The following ZDHHC5 variants were observed in gnomAD, a reference collection of about 807,000 sequenced individuals.
ZDHHC5 encodes the protein palmitoyltransferase ZDHHC5.
In ZDHHC5, 22 loss-of-function variants were observed where a neutral mutation model predicts 70.0. The ratio of observed to expected loss-of-function variants is 0.31; its 90% CI spans 0.22 to 0.45. ZDHHC5 has a LOEUF of 0.45. Ranked by LOEUF, ZDHHC5 falls within the 20% of genes least tolerant of loss-of-function variation. The probability of loss-of-function intolerance (pLI) is 1.00; values close to 1 mark genes in which losing one functional copy is unlikely to be tolerated. For missense variants in ZDHHC5, 746 were observed against 926.9 expected (o/e 0.80, Z 2.53); for synonymous variants, 313 against 347.8 (o/e 0.90, Z 1.11).
At position 57,683,919 on chromosome 11, in the gene ZDHHC5, C is replaced by T. The variant is rs536687121; in HGVS notation, c.226+1376C>T. The stretch of plus-strand genomic sequence containing the variant: ...GTTGGCAGTATTAGAAATTAGAGAG[C>T]TCCAATAGTATGGAAACTCAAATTT... On this transcript the variant is annotated intron_variant, in intron 3 of 11. Transcript: ENST00000287169. Among the ~76,000 whole-genome samples the T allele has an allele frequency of 6.5e-4, 98 of 151,780 alleles. 2 individuals carry two copies. The South Asian group carries it at 0.013, about 20-fold the overall frequency.
chr11:57,673,096 C>T lies in ZDHHC5; in HGVS notation c.6C>T (p.Pro2=), dbSNP rs376453110. 2.0e-5 allele frequency: 33 copies of T among 1,613,888 alleles called. No individual in the cohort carries two copies. Among genetic ancestry groups the T allele is most frequent in the African/African-American group, 6.7e-5 (5 of 75,032 alleles). ...TTTCCCATCAGAGCTCCAACATGCC[C>T]GCAGAGTCTGGAAAGAGATTCAAAC... M[P]AESGKRFKPS... The change falls in exon 2 of 12, where the codon CCC becomes CCT. Residue 2 remains proline, a synonymous_variant. Coordinates refer to ENST00000287169, the MANE Select transcript of ZDHHC5 (RefSeq NM_015457.3).
chr11:57,699,728 A>G, intron 11 of ZDHHC5, 138 bp from the exon 12 acceptor site: 4 of 1,190,320 alleles, frequency 3.4e-6, no homozygotes, highest in Admixed American at 4.0e-5. Context: ...AAGCAGGGCA[A>G]TAAAGGGGAA....
intron 2 of ZDHHC5, among the ~76,000 whole-genome samples, chr11:57,680,651 C>T (rs1349618870): frequency 6.6e-6 from 1 of 152,196 alleles, no homozygotes; most frequent in Non-Finnish European, 1.5e-5. Flanking sequence ...TCTTCTTCCC[C>T]AGGCGGAAAT....
chr11:57,696,568 G>C (rs1401663321), intron 9 of ZDHHC5, among the ~76,000 whole-genome samples, 193 bp from the exon 10 acceptor site: 1 of 152,042 alleles, frequency 6.6e-6, no homozygotes, highest in African/African-American at 2.4e-5. Flanking sequence ...ATTTAAAAAA[G>C]TTAGCTGGGC....
chr11:57,692,310 C>G (rs1946295381), intron 6 of ZDHHC5, among the ~76,000 whole-genome samples: 1 of 152,148 alleles, frequency 6.6e-6, no homozygotes, highest in African/African-American at 2.4e-5. Context: ...TGTGAGCTGC[C>G]ATGCCCAGCC....
Position 57,677,283 on chromosome 11 carries a change from A to ATT in ZDHHC5, c.104+4109_104+4110dup, listed in dbSNP as rs1170220902. ...CAGGATAAGATCTCTGCTTCACGTG[A>ATT]TTTTTTTTTTTTTTTTTTTTTGAGA... On this transcript the variant is annotated intron_variant, in intron 2 of 11. Coordinates refer to ENST00000287169, the MANE Select transcript of ZDHHC5 (RefSeq NM_015457.3). Among the ~76,000 whole-genome samples the ATT allele has an allele frequency of 3.7e-3, 301 of 81,672 alleles. 6 individuals are homozygous for ATT. The highest frequency in any genetic ancestry group is 0.011 in the Middle Eastern group (1 of 92). 53.6% of individuals were successfully genotyped at this position (81,672 alleles called of 152,430 possible).
At chr11:57,692,587 C>G (rs1409798847) in intron 6 of ZDHHC5, 24 bp from the exon 7 acceptor site, 4 of 1,609,472 alleles carry the variant, frequency 2.5e-6, no homozygotes, top group Middle Eastern at 3.3e-4. Context: ...ATCTTCTAAC[C>G]TGGTATTTTT....
Position 57,693,947 on chromosome 11 carries a change from C to T in ZDHHC5, c.885+32C>T, listed in dbSNP as rs141849888. 4.2e-3 allele frequency: 6,671 copies of T among 1,581,062 alleles called. 36 individuals carry two copies. The highest frequency in any genetic ancestry group is 3.9e-3 in the Non-Finnish European group (4,542 of 1,166,960). ...AATTTAGAGAAGTCAAGCTAGATAACATGGAAGTCTCACCCAAGGCAAAGA... is the reference window on the plus strand; with the variant it reads ...AATTTAGAGAAGTCAAGCTAGATAATATGGAAGTCTCACCCAAGGCAAAGA... On this transcript the variant is annotated intron_variant, in intron 8 of 11. Transcript: ENST00000287169.
intron 4 of ZDHHC5, among the ~76,000 whole-genome samples, chr11:57,688,985 T>A (rs939841894): frequency 1.3e-5 from 2 of 152,208 alleles, no homozygotes; most frequent in African/African-American, 4.8e-5. Flanking sequence ...TGCCCTGGCC[T>A]CCCAGAGTGC....
At position 57,697,547 on chromosome 11, in the gene ZDHHC5, G is replaced by T. The variant is rs186598570; in HGVS notation, c.1122+674G>T. 2.1e-3 allele frequency among the ~76,000 whole-genome samples: 324 copies of T among 151,402 alleles called. 10 individuals carry two copies. Among genetic ancestry groups the T allele is most frequent in the Admixed American group, 0.021 (321 of 15,180 alleles). On this transcript the variant is annotated intron_variant, in intron 10 of 11. Transcript: ENST00000287169. ...AATCCCAGCTATTCGGGAGGCTGAG[G>T]CAGGAGAATCACTTGAATCTGGGAG...
rs1174948518 is a variant in ZDHHC5, at chr11:57,698,872, G to A, written c.1436G>A (p.Ser479Asn). ...SYDSLLTPSD[S>N]PDFESVQAGP... ...GACAGCTTGCTCACACCTTCAGACAGCCCTGATTTTGAGTCAGTGCAGGCA... is the reference window on the plus strand; with the variant it reads ...GACAGCTTGCTCACACCTTCAGACAACCCTGATTTTGAGTCAGTGCAGGCA... The change falls in exon 11 of 12, where the codon AGC becomes AAC. Residue 479 changes from serine to asparagine, a missense_variant. Coordinates refer to ENST00000287169, the MANE Select transcript of ZDHHC5 (RefSeq NM_015457.3). The A allele has an allele frequency of 6.2e-7, 1 of 1,614,142 alleles. No homozygotes were observed. The highest frequency in any genetic ancestry group is 8.5e-7 in the Non-Finnish European group (1 of 1,180,028).
intron 3 of ZDHHC5, among the ~76,000 whole-genome samples, chr11:57,685,619 A>C (rs1465804897): frequency 1.3e-5 from 2 of 152,196 alleles, no homozygotes; most frequent in Non-Finnish European, 2.9e-5. Flanking sequence ...ATTGCACTCT[A>C]GCCTGGGCGA....
chr11:57,688,365 G>A lies in ZDHHC5; in HGVS notation c.227-143G>A, dbSNP rs565260146. On this transcript the variant is annotated intron_variant, in intron 3 of 11. Coordinates refer to ENST00000287169, the MANE Select transcript of ZDHHC5 (RefSeq NM_015457.3). ...TGTTGTATAAAGACCTGACCTCACA[G>A]TCTTATAGTTCCTAGTTCCTAGTCT... 154 of 978,886 alleles carry A rather than the reference G, an allele frequency of 1.6e-4. 1 individual carries two copies. In the South Asian group the frequency reaches 2.2e-3, roughly 14 times the overall value. 60.6% of individuals were successfully genotyped at this position (978,886 alleles called of 1,614,324 possible). A position where few individuals can be genotyped will look rare whatever the true frequency, so the allele number is the denominator to read the frequency against.
chr11:57,680,877 G>C (rs762473927), intron 2 of ZDHHC5, among the ~76,000 whole-genome samples: 1 of 152,148 alleles, frequency 6.6e-6, no homozygotes, highest in African/African-American at 2.4e-5. Flanking sequence ...TCCATGGGGG[G>C]CTTTCTTTGA....
intron 2 of ZDHHC5, among the ~76,000 whole-genome samples, chr11:57,676,395 C>T (rs1211332824): frequency 1.3e-5 from 2 of 152,106 alleles, no homozygotes; most frequent in African/African-American, 2.4e-5. Context: ...CTTCTACCTC[C>T]CAGTTAGTTA....
Position 57,699,240 on chromosome 11 carries a change from C to T in ZDHHC5, c.1804C>T (p.Arg602Cys), listed in dbSNP as rs200806457. The change falls in exon 11 of 12, where the codon CGC becomes TGC. Residue 602 changes from arginine (R) to cysteine (C), a missense_variant. By Grantham distance (180) the Arg-to-Cys change is radical. This residue lies in a region of ZDHHC5 where 340 missense variants were observed against 350.1 expected (regional missense o/e 0.97). Coordinates refer to ENST00000287169, the MANE Select transcript of ZDHHC5 (RefSeq NM_015457.3). ...ACCTTTGGGCAAGACTCCACTGGGA[C>T]GCCCAGCTGTCCCCCGTTTTGGCAA... ...RSPLGKTPLG[R>C]PAVPRFGKPD... 4.2e-5 allele frequency: 68 copies of T among 1,614,110 alleles called. No individual in the cohort carries two copies. The highest frequency in any genetic ancestry group is 6.7e-5 in the Admixed American group (4 of 60,006).
Position 57,692,611 on chromosome 11 carries a change from G to T in ZDHHC5, c.661G>T (p.Val221Phe). The change falls in exon 7 of 12, where the codon GTT becomes TTT. Residue 221 changes from valine (V) to phenylalanine (F), a missense_variant and splice_region_variant. Physicochemically the swap from Val to Phe is conservative, Grantham distance 50. Around this residue, in one of 6 missense-constraint regions of ZDHHC5, gnomAD observed 114 missense variants for 179.3 expected, o/e 0.64. Transcript: ENST00000287169. ...VARGRTTNEQ[V>F]TGKFRGGVNP... ...CCTGGTATTTTTTTTCTCCCTCTAGGTTACGGGTAAATTCCGGGGAGGTGT... is the reference window on the plus strand; with the variant it reads ...CCTGGTATTTTTTTTCTCCCTCTAGTTTACGGGTAAATTCCGGGGAGGTGT... The T allele has an allele frequency of 6.2e-7, 1 of 1,613,966 alleles. No homozygotes were observed. Among genetic ancestry groups the T allele is most frequent in the Non-Finnish European group, 8.5e-7 (1 of 1,179,960 alleles).
rs893362849 is a variant in ZDHHC5 at position 57,672,827 on chromosome 11, C to G, written c.-264C>G. On this transcript the variant is annotated 5_prime_UTR_variant, in exon 2 of 12. Coordinates refer to ENST00000287169, the MANE Select transcript of ZDHHC5 (RefSeq NM_015457.3). The stretch of plus-strand genomic sequence containing the variant: ...TTTTTAAACTGTACAAGTTGTGTTT[C>G]TTAATCTTCCCTTCTGCCTTGTTCT... 5 of 419,990 alleles carry G rather than the reference C, an allele frequency of 1.2e-5. No individual in the cohort carries two copies. The highest frequency in any genetic ancestry group is 2.4e-5 in the South Asian group (1 of 41,780). 26.0% of individuals were successfully genotyped at this position (419,990 alleles called of 1,614,324 possible).
chr11:57,686,408 C>T (rs1037759313), intron 3 of ZDHHC5, among the ~76,000 whole-genome samples: 12 of 151,872 alleles, frequency 7.9e-5, no homozygotes, highest in Non-Finnish European at 1.6e-4. Flanking sequence ...CTCTGCCTTT[C>T]GGGTTCAAGC....
Sources: gnomAD v4.1 joint callset for allele counts (sites outside exome capture counted in the v4.1 genomes callset) on GRCh38, gnomAD v4.1.1 for gene constraint, gnomAD v4.1.1 regional missense constraint, MANE v1.5 for transcripts, NCBI Gene and HGNC (gene_info 2026-07-23, HGNC 2026-07-21) for gene names.